The following CDH13 variants were observed in gnomAD, a reference collection of about 807,000 sequenced individuals.
CDH13 encodes the protein cadherin-13.
Under a neutral mutation model 63.8 loss-of-function variants are expected in CDH13, and 24 were observed. The observed-to-expected ratio is 0.38, with a 90% CI of 0.27 to 0.53. CDH13 has a LOEUF of 0.53. Ranked by LOEUF, CDH13 falls within the 20% of genes least tolerant of loss-of-function variation. The pLI is 0.85. For missense variants in CDH13, 1,049 were observed against 903.1 expected (o/e 1.16, Z -2.07); for synonymous variants, 503 against 355.3 (o/e 1.42, Z -4.67).
intron 5 of CDH13, among the ~76,000 whole-genome samples, chr16:83,338,474 G>C (rs180932638): frequency 1.6e-4 from 25 of 152,344 alleles, no homozygotes; most frequent in Admixed American, 1.6e-3. Flanking sequence ...TTGGGTCCAG[G>C]CTTCAGGATT....
chr16:83,107,969 C>A (rs2034859870), intron 3 of CDH13, among the ~76,000 whole-genome samples: 1 of 151,960 alleles, frequency 6.6e-6, no homozygotes, highest in African/African-American at 2.4e-5. Flanking sequence ...CAGGTGCCTG[C>A]CACCACAGCC....
At chr16:83,207,657 A>C (rs531010961) in intron 4 of CDH13, among the ~76,000 whole-genome samples, 1 of 152,318 alleles carries the variant, frequency 6.6e-6, no homozygotes, top group South Asian at 2.1e-4. Flanking sequence ...AATAAGTTTT[A>C]AAATAACATT....
intron 7 of CDH13, among the ~76,000 whole-genome samples, chr16:83,558,526 C>T (rs990163156): frequency 1.3e-5 from 2 of 152,158 alleles, no homozygotes; most frequent in African/African-American, 2.4e-5. Flanking sequence ...GAATAAGCAA[C>T]GTGGACCACA....
intron 1 of CDH13, among the ~76,000 whole-genome samples, chr16:82,837,624 G>A (rs1356831778): frequency 6.6e-6 from 1 of 152,178 alleles, no homozygotes; most frequent in Non-Finnish European, 1.5e-5. Context: ...CAGTCACACA[G>A]GATGTGCTTA....
chr16:83,397,074 G>A (rs148444477), intron 6 of CDH13, among the ~76,000 whole-genome samples: 86 of 152,112 alleles, frequency 5.7e-4, no homozygotes, highest in Middle Eastern at 3.4e-3. Context: ...CCTTTCTCCT[G>A]GCTTTCCTGA....
At chr16:83,540,435 C>G (rs2075277843) in intron 7 of CDH13, among the ~76,000 whole-genome samples, 1 of 152,110 alleles carries the variant, frequency 6.6e-6, no homozygotes, top group Non-Finnish European at 1.5e-5. Flanking sequence ...AAGCAGCTGA[C>G]CAGTCATTAC....
At chr16:83,493,009 T>C (rs1023988231) in intron 7 of CDH13, among the ~76,000 whole-genome samples, 4 of 152,092 alleles carry the variant, frequency 2.6e-5, no homozygotes, top group Non-Finnish European at 5.9e-5. Context: ...GTGTTTTTTG[T>C]TGTTGTTGTT....
intron 1 of CDH13, among the ~76,000 whole-genome samples, chr16:82,660,833 C>T (rs1478623102): frequency 1.3e-5 from 2 of 152,076 alleles, no homozygotes; most frequent in African/African-American, 2.4e-5. Flanking sequence ...CAATTTTGTT[C>T]CGGCAATACA....
intron 5 of CDH13, among the ~76,000 whole-genome samples, chr16:83,275,931 T>C (rs1276902226): frequency 6.6e-6 from 1 of 152,192 alleles, no homozygotes. Flanking sequence ...CTTTATGTTC[T>C]ATAATAGAAA....
At chr16:83,419,790 T>A (rs918890439) in intron 6 of CDH13, among the ~76,000 whole-genome samples, 2 of 152,232 alleles carry the variant, frequency 1.3e-5, no homozygotes, top group African/African-American at 4.8e-5. Context: ...TCTCTGCTCA[T>A]GTTTTCCAGC....
At chr16:83,699,531 G>A (rs1247681399) in intron 10 of CDH13, among the ~76,000 whole-genome samples, 1 of 152,130 alleles carries the variant, frequency 6.6e-6, no homozygotes, top group Non-Finnish European at 1.5e-5. Context: ...ACTTCTGCAA[G>A]CTAGTTCCAT....
intron 4 of CDH13, among the ~76,000 whole-genome samples, chr16:83,188,972 C>T (rs767508943): frequency 6.6e-6 from 1 of 152,240 alleles, no homozygotes; most frequent in Non-Finnish European, 1.5e-5. Context: ...AGCTGTGACA[C>T]TGGGATCTCA....
chr16:83,059,706 C>T (rs1364419315), intron 3 of CDH13, among the ~76,000 whole-genome samples: 2 of 151,462 alleles, frequency 1.3e-5, no homozygotes, highest in African/African-American at 4.9e-5. Context: ...TGCAATAGAG[C>T]TTAAAGACAG....
intron 1 of CDH13, among the ~76,000 whole-genome samples, chr16:82,782,760 C>T (rs943115165): frequency 6.6e-6 from 1 of 152,186 alleles, no homozygotes; most frequent in South Asian, 2.1e-4. Context: ...ATCCGGCCTT[C>T]TGTCTGCCTT....
intron 10 of CDH13, among the ~76,000 whole-genome samples, chr16:83,678,891 G>A (rs932871443): frequency 1.3e-5 from 2 of 152,218 alleles, no homozygotes; most frequent in Non-Finnish European, 1.5e-5. Context: ...CAGATTCGTA[G>A]AGGTTCGGTA....
intron 1 of CDH13, among the ~76,000 whole-genome samples, chr16:82,765,352 C>T (rs2035015379): frequency 6.6e-6 from 1 of 152,152 alleles, no homozygotes; most frequent in South Asian, 2.1e-4. Flanking sequence ...TGTAAAGCCT[C>T]CTCATCTTTA....
intron 5 of CDH13, among the ~76,000 whole-genome samples, chr16:83,280,896 A>G (rs2089149934): frequency 6.6e-6 from 1 of 152,214 alleles, no homozygotes; most frequent in Admixed American, 6.5e-5. Context: ...CTGAGCAGTA[A>G]GTCTGAGCAG....
intron 4 of CDH13, among the ~76,000 whole-genome samples, chr16:83,128,085 A>T (rs2035890238): frequency 6.6e-6 from 1 of 152,208 alleles, no homozygotes; most frequent in Non-Finnish European, 1.5e-5. Context: ...TTTCTTTTAG[A>T]TAATCCTGGG....
At chr16:83,676,179 G>A (rs546035765) in intron 9 of CDH13, among the ~76,000 whole-genome samples, 1 of 152,298 alleles carries the variant, frequency 6.6e-6, no homozygotes, top group African/African-American at 2.4e-5. Context: ...TTATTTCCAA[G>A]CATTTTGACT....
Sources: gnomAD v4.1 joint callset for allele counts (sites outside exome capture counted in the v4.1 genomes callset) on GRCh38, gnomAD v4.1.1 for gene constraint, MANE v1.5 for transcripts, NCBI Gene and HGNC (gene_info 2026-07-23, HGNC 2026-07-21) for gene names.